MEIS2: variants seen among roughly 807,000 people sequenced by gnomAD.
MEIS2 encodes Meis homeobox 2, also known as homeobox protein Meis2.
MEIS2 carries 9 observed loss-of-function variants against 58.6 expected under a neutral mutation model. That is an observed-to-expected ratio of 0.15 (90% confidence interval 0.09 to 0.27). The LOEUF (loss-of-function observed/expected upper bound fraction) is 0.27, where lower values mean the gene tolerates loss of function less well. Ranked by LOEUF, MEIS2 falls within the 10% of genes least tolerant of loss-of-function variation. MEIS2 has a pLI of 1.00. For missense variants in MEIS2, 427 were observed against 635.0 expected (o/e 0.67, Z 3.52); for synonymous variants, 221 against 228.4 (o/e 0.97, Z 0.29).
At chr15:36,987,619 G>T (rs566556248) in intron 8 of MEIS2, among the ~76,000 whole-genome samples, 1 of 152,120 alleles carries the variant, frequency 6.6e-6, no homozygotes, top group Admixed American at 6.5e-5. Flanking sequence ...TAAATAAATG[G>T]TCACTGAAAA....
In MEIS2 at chr15:37,067,384, A is replaced by G. The variant is rs142002248; in HGVS notation, c.754+16387T>C. On this transcript the variant is annotated intron_variant, in intron 7 of 11. Transcript: ENST00000561208. ...TATGCCTTCCACCAAATTCCTTTAC[A>G]AGGTAAAAGCCTAGTTTATAGGTAG... is the stretch of plus-strand genomic sequence containing the variant. Among the ~76,000 whole-genome samples, 3 of 152,146 alleles carry G rather than the reference A, an allele frequency of 2.0e-5. No homozygotes were observed. The East Asian group carries it at 5.8e-4, about 29-fold the overall frequency.
chr15:36,943,113 G>A (rs920208662), intron 9 of MEIS2, among the ~76,000 whole-genome samples: 1 of 152,102 alleles, frequency 6.6e-6, no homozygotes, highest in Non-Finnish European at 1.5e-5. Context: ...CAGTTGCTAT[G>A]GGATAATTGT....
At chr15:36,939,128 C>T (rs1399510597) in intron 9 of MEIS2, among the ~76,000 whole-genome samples, 3 of 152,168 alleles carry the variant, frequency 2.0e-5, no homozygotes, top group Non-Finnish European at 4.4e-5. Flanking sequence ...TGATTCAAAA[C>T]TAACTTCCAA....
rs180698920 is a variant in MEIS2, at chr15:36,999,668, G to A, written c.900+37146C>T. Among the ~76,000 whole-genome samples the A allele has an allele frequency of 4.3e-4, 65 of 152,234 alleles. No homozygotes were observed. The South Asian group carries it at 0.011, about 27-fold the overall frequency. ...CTGTAACCATTCACTGACAACAAAC[G>A]CACTTTTCCGAAGGCAAACACCTAC... On this transcript the variant is annotated intron_variant, in intron 8 of 11. Transcript: ENST00000561208.
At chr15:37,067,271 G>T (rs1008367972) in intron 7 of MEIS2, among the ~76,000 whole-genome samples, 1 of 151,794 alleles carries the variant, frequency 6.6e-6, no homozygotes, top group Non-Finnish European at 1.5e-5. Context: ...TGTATTTTTT[G>T]TAGAGACAGG....
chr15:37,095,432 C>A, intron 4 of MEIS2, 132 bp downstream of exon 4: 2 of 1,402,072 alleles, frequency 1.4e-6, no homozygotes, highest in Non-Finnish European at 9.9e-7. Flanking sequence ...AAGCTGCTCC[C>A]TTCCTCCCTC....
chr15:36,958,817 A>G (rs1026608465), intron 8 of MEIS2, among the ~76,000 whole-genome samples: 1 of 152,152 alleles, frequency 6.6e-6, no homozygotes, highest in Non-Finnish European at 1.5e-5. Flanking sequence ...AAAAGCCACA[A>G]ATAAGGCCTT....
Position 36,896,894 on chromosome 15 carries a change from G to T in MEIS2, c.978-208C>A, listed in dbSNP as rs2056206870. 6 of 519,202 alleles carry T rather than the reference G, an allele frequency of 1.2e-5. No homozygotes were observed. In the South Asian group the frequency reaches 1.6e-4, roughly 14 times the overall value. 32.2% of individuals were successfully genotyped at this position (519,202 alleles called of 1,614,324 possible). ...TGCGTAGTCAACTCCAAAACAACTT[G>T]CTAGAAGAGCTCAGGGACGGAATAA... is the stretch of plus-strand genomic sequence containing the variant. On this transcript the variant is annotated intron_variant, in intron 9 of 11. Transcript: ENST00000561208.
At chr15:37,003,068 C>A (rs2060792530) in intron 8 of MEIS2, among the ~76,000 whole-genome samples, 1 of 152,082 alleles carries the variant, frequency 6.6e-6, no homozygotes, top group Non-Finnish European at 1.5e-5. Context: ...GCAGGACAGC[C>A]TTGAGCATTT....
At chr15:37,093,190 C>T (rs1327242910) in intron 6 of MEIS2, among the ~76,000 whole-genome samples, 1 of 152,206 alleles carries the variant, frequency 6.6e-6, no homozygotes, top group African/African-American at 2.4e-5. Context: ...TCCTCTCTCT[C>T]CAGACCAGTC....
rs200040294 is a variant in MEIS2, at chr15:37,099,818, G to A, written c.-352C>T. The A allele has an allele frequency of 2.7e-5, 6 of 221,900 alleles. No individual in the cohort carries two copies. Among genetic ancestry groups the A allele is most frequent in the African/African-American group, 2.1e-4 (6 of 27,986 alleles). The allele number at this position is 221,900 out of a possible 1,614,324, so 13.7% of individuals were successfully genotyped here. A position where few individuals can be genotyped will look rare whatever the true frequency, so the allele number is the denominator to read the frequency against. On this transcript the variant is annotated 5_prime_UTR_variant, in exon 1 of 12. Coordinates refer to ENST00000561208, the MANE Select transcript of MEIS2 (RefSeq NM_170675.5). The stretch of plus-strand genomic sequence containing the variant: ...CCCCTCAGTTGGAAAAAAAAAGAAA[G>A]AAAAGAAAAAGAAGAAAAAGAAGAA...
rs371967657 is a variant in MEIS2 at position 36,946,256 on chromosome 15, CTTCT to C, written c.977+4064_977+4067del. 2.0e-3 allele frequency among the ~76,000 whole-genome samples: 297 copies of C among 151,852 alleles called. 2 individuals are homozygous for C. Among genetic ancestry groups the C allele is most frequent in the African/African-American group, 6.9e-3 (285 of 41,448 alleles). ...AGGATTTCCTCATTTAAAAAATAAC[CTTCT>C]TTGTCTTTTGTCAATAAATGCTTAT... On this transcript the variant is annotated intron_variant, in intron 9 of 11. Coordinates refer to ENST00000561208, the MANE Select transcript of MEIS2 (RefSeq NM_170675.5).
rs749988263 is a variant in MEIS2 at position 36,892,466 on chromosome 15, A to G, written c.1148-7T>C. 1 of 1,610,968 alleles carries G rather than the reference A, an allele frequency of 6.2e-7. No homozygotes were observed. The highest frequency in any genetic ancestry group is 8.5e-7 in the Non-Finnish European group (1 of 1,179,036). On this transcript the variant is annotated splice_region_variant and splice_polypyrimidine_tract_variant and intron_variant, in intron 11 of 11. Coordinates refer to ENST00000561208, the MANE Select transcript of MEIS2 (RefSeq NM_170675.5). ...CCTGGCATGCTCTGCAAACCTGAAA[A>G]TAGAGAGGGAAAAAGAAAGCGGGTC...
chr15:37,042,966 A>G (rs1026813674), intron 7 of MEIS2, among the ~76,000 whole-genome samples: 5 of 152,214 alleles, frequency 3.3e-5, no homozygotes, highest in African/African-American at 1.2e-4. Context: ...TAAAAACTTC[A>G]TAGAACTGTG....
At chr15:36,993,315 C>T (rs1259728313) in intron 8 of MEIS2, among the ~76,000 whole-genome samples, 2 of 152,074 alleles carry the variant, frequency 1.3e-5, no homozygotes, top group Non-Finnish European at 2.9e-5. Context: ...TTCTACTGTA[C>T]TTTCATTTAA....
intron 7 of MEIS2, among the ~76,000 whole-genome samples, chr15:37,041,495 A>T (rs1471473117): frequency 6.6e-6 from 1 of 152,244 alleles, no homozygotes; most frequent in Non-Finnish European, 1.5e-5. Context: ...TGCTTTCCTT[A>T]GCTGAGCAGA....
intron 8 of MEIS2, among the ~76,000 whole-genome samples, chr15:36,996,696 C>T (rs996930384): frequency 6.6e-6 from 1 of 152,232 alleles, no homozygotes; most frequent in African/African-American, 2.4e-5. Context: ...GCAGATGGAA[C>T]GGAAATGGAA....
chr15:36,947,752 C>G (rs1341200358), intron 9 of MEIS2, among the ~76,000 whole-genome samples: 1 of 151,910 alleles, frequency 6.6e-6, no homozygotes, highest in Non-Finnish European at 1.5e-5. Flanking sequence ...ATCCCCTCTG[C>G]TTTTTGACTG....
intron 8 of MEIS2, among the ~76,000 whole-genome samples, chr15:37,018,541 T>C (rs2061423872): frequency 2.0e-5 from 3 of 152,252 alleles, no homozygotes; most frequent in Admixed American, 2.0e-4. Context: ...TTATTTCATT[T>C]ATATAACTGA....
Sources: gnomAD v4.1 joint callset for allele counts (sites outside exome capture counted in the v4.1 genomes callset) on GRCh38, gnomAD v4.1.1 for gene constraint, MANE v1.5 for transcripts, NCBI Gene and HGNC (gene_info 2026-07-23, HGNC 2026-07-21) for gene names.